The following ANKAR variants were observed in gnomAD, a reference collection of about 807,000 sequenced individuals.
ANKAR encodes the protein ankyrin and armadillo repeat-containing protein.
ANKAR carries 136 observed loss-of-function variants against 146.2 expected under a neutral mutation model. The ratio of observed to expected loss-of-function variants is 0.93; its 90% confidence interval spans 0.81 to 1.07. The LOEUF is 1.07. ANKAR is among the 50% of genes least tolerant of loss of function. The pLI is 0.00. For missense variants in ANKAR, 1,567 were observed against 1,679.9 expected (o/e 0.93, Z 1.18); for synonymous variants, 500 against 575.8 (o/e 0.87, Z 1.88).
chr2:189,675,480 C>T (rs1206052574), intron 1 of ANKAR, among the ~76,000 whole-genome samples: 1 of 151,936 alleles, frequency 6.6e-6, no homozygotes, highest in East Asian at 1.9e-4. Flanking sequence ...CCGCGAGTAG[C>T]TGAGATTACA....
chr2:189,761,578 T>A (rs1241301070), downstream of ANKAR: 15 of 1,610,612 alleles, frequency 9.3e-6, no homozygotes, highest in Non-Finnish European at 1.1e-5. Context: ...TTCTTAAAAA[T>A]TCATAAACTT....
intron 12 of ANKAR, among the ~76,000 whole-genome samples, chr2:189,724,879 T>TG (rs1418851841): frequency 6.6e-6 from 1 of 152,006 alleles, no homozygotes; most frequent in African/African-American, 2.4e-5. Context: ...TCTACAAGGC[T>TG]GGGGGAAATG....
rs146719607 is a variant in ANKAR, at chr2:189,759,854, G to A, written c.*585-1244G>A. Among the ~76,000 whole-genome samples the A allele has an allele frequency of 1.8e-4, 27 of 152,274 alleles. 1 individual carries two copies. The highest frequency in any genetic ancestry group is 6.5e-4 in the African/African-American group (27 of 41,560). On this transcript the variant is annotated intron_variant and NMD_transcript_variant, in intron 18 of 18. Coordinates refer to the ANKAR transcript ENST00000441800. ...GACAATAGTGGAGAGAAGGTCAGCA[G>A]ATAAACATGTGAACAAAGGTCTCTG...
chr2:189,699,260 G>A (rs1015888148), intron 7 of ANKAR, among the ~76,000 whole-genome samples: 5 of 152,242 alleles, frequency 3.3e-5, no homozygotes, highest in Admixed American at 2.6e-4. Context: ...GAGAGGGACA[G>A]TATAGAGGAC....
intron 4 of ANKAR, chr2:189,692,683 AC>A (rs1188522480): frequency 1.6e-5 from 5 of 321,574 alleles, no homozygotes; most frequent in Non-Finnish European, 2.8e-5. Context: ...CTTCTAATGG[AC>A]TATATTTGTC....
chr2:189,702,005 G>A (rs751026924), intron 7 of ANKAR, among the ~76,000 whole-genome samples: 14 of 152,044 alleles, frequency 9.2e-5, no homozygotes, highest in Non-Finnish European at 1.6e-4. Flanking sequence ...GTGAGCCTGC[G>A]TCCCTGTACT....
chr2:189,742,983 C>T (rs1258748092), intron 20 of ANKAR, among the ~76,000 whole-genome samples: 1 of 131,324 alleles, frequency 7.6e-6, no homozygotes, highest in Non-Finnish European at 1.6e-5. Context: ...CACACACACC[C>T]CTGAAAGGAT....
At chr2:189,762,594 C>T, downstream of ANKAR, 1 of 985,444 alleles carries the variant, frequency 1.0e-6, no homozygotes, top group Non-Finnish European at 1.2e-6. Context: ...GGTCTCCTGT[C>T]GGCTGTAAGG....
rs79476615 is a variant in ANKAR, at chr2:189,676,103, A to G, written c.-35-353A>G. ...CTCAGGTATTCCTTTATAGCAACAC[A>G]AACAGACTAACACGAACATATACAA... On this transcript the variant is annotated intron_variant, in intron 1 of 22. Transcript: ENST00000684021. The G allele has an allele frequency of 3.2e-4, 59 of 181,670 alleles. No homozygotes were observed. In the East Asian group the frequency reaches 8.6e-3, roughly 27 times the overall value. 11.3% of individuals were successfully genotyped at this position (181,670 alleles called of 1,614,324 possible). A position where few individuals can be genotyped will look rare whatever the true frequency, so the allele number is the denominator to read the frequency against.
At chr2:189,696,567 T>G (rs758565299) in intron 7 of ANKAR, among the ~76,000 whole-genome samples, 198 bp downstream of exon 7, 25 of 152,214 alleles carry the variant, frequency 1.6e-4, no homozygotes, top group Non-Finnish European at 7.3e-5. Context: ...GGTTTTATAT[T>G]TGCTCATTGT....
chr2:189,690,340 CACTT>C (rs767688224), intron 3 of ANKAR, among the ~76,000 whole-genome samples: 49 of 152,222 alleles, frequency 3.2e-4, no homozygotes, highest in Admixed American at 1.7e-3. Flanking sequence ...GAAGTATACA[CACTT>C]ACTCTAAAAT....
At chr2:189,753,910 A>G (rs748014926) in intron 18 of ANKAR, 11 of 1,611,660 alleles carry the variant, frequency 6.8e-6, no homozygotes, top group Non-Finnish European at 9.3e-6. Context: ...ATGAGATAAA[A>G]CTTACCAGTA....
chr2:189,762,740 C>T (rs532357600), downstream of ANKAR: 7 of 985,382 alleles, frequency 7.1e-6, no homozygotes, highest in African/African-American at 1.7e-5. Context: ...TAAAGACTGT[C>T]GACTGCCCTT....
chr2:189,740,035 C>A (rs2043184045), intron 19 of ANKAR, among the ~76,000 whole-genome samples: 1 of 152,164 alleles, frequency 6.6e-6, no homozygotes, highest in African/African-American at 2.4e-5. Flanking sequence ...ATTCAGGCCT[C>A]AGGTATAGTG....
At chr2:189,750,656 T>A (rs2045025391), downstream of ANKAR, 1 of 1,574,994 alleles carries the variant, frequency 6.3e-7, no homozygotes, top group South Asian at 1.2e-5. Context: ...CAAGAGGACA[T>A]CTACATCATA....
At chr2:189,744,990 T>TCTACTACTACTACTA (rs543460540) in intron 22 of ANKAR, among the ~76,000 whole-genome samples, 18 of 112,410 alleles carry the variant, frequency 1.6e-4, no homozygotes, top group Non-Finnish European at 2.4e-4. Context: ...AAACCCCATC[T>TCTACTACTACTACTA]CTACTACTAC....
intron 9 of ANKAR, among the ~76,000 whole-genome samples, chr2:189,709,273 A>G (rs991211171): frequency 1.3e-5 from 2 of 152,206 alleles, no homozygotes; most frequent in Non-Finnish European, 2.9e-5. Context: ...GCAACGTTGA[A>G]AGAGTTAATT....
chr2:189,708,293 A>T (rs1374388360), intron 9 of ANKAR, among the ~76,000 whole-genome samples: 1 of 152,252 alleles, frequency 6.6e-6, no homozygotes, highest in Non-Finnish European at 1.5e-5. Flanking sequence ...CATAGAGCAC[A>T]TTCACATAAC....
chr2:189,720,328 A>G (rs1196803281), intron 11 of ANKAR, among the ~76,000 whole-genome samples: 3 of 151,914 alleles, frequency 2.0e-5, no homozygotes, highest in African/African-American at 4.8e-5. Context: ...GCTCACTGCA[A>G]CCTCTGCCTC....
Sources: gnomAD v4.1 joint callset for allele counts (sites outside exome capture counted in the v4.1 genomes callset) on GRCh38, gnomAD v4.1.1 for gene constraint, MANE v1.5 for transcripts, NCBI Gene and HGNC (gene_info 2026-07-23, HGNC 2026-07-21) for gene names.